The following KSR2 variants were observed in gnomAD, a reference collection of about 807,000 sequenced individuals.
KSR2 encodes the protein kinase suppressor of ras 2.
KSR2 carries 25 observed loss-of-function variants against 107.8 expected under a neutral mutation model. The observed-to-expected ratio is 0.23, with a 90% CI of 0.17 to 0.32. KSR2 has a LOEUF of 0.32. Ranked by LOEUF, KSR2 falls within the 10% of genes least tolerant of loss-of-function variation. The pLI, the probability that KSR2 is intolerant of heterozygous loss-of-function variation, is 1.00. For missense variants in KSR2, 887 were observed against 1,268.9 expected (o/e 0.70, Z 4.57); for synonymous variants, 480 against 507.0 (o/e 0.95, Z 0.71).
At chr12:117,961,750 C>T (rs1896664398) in intron 1 of KSR2, among the ~76,000 whole-genome samples, 1 of 152,140 alleles carries the variant, frequency 6.6e-6, no homozygotes, top group South Asian at 2.1e-4. Flanking sequence ...ATGAAAATAA[C>T]AAATTGTTGT....
At chr12:117,626,574 T>C (rs972875019) in intron 5 of KSR2, among the ~76,000 whole-genome samples, 23 of 152,202 alleles carry the variant, frequency 1.5e-4, no homozygotes, top group Non-Finnish European at 3.1e-4. Flanking sequence ...GAGAGACAGT[T>C]TGTTGTGATT....
chr12:117,881,864 T>C (rs1894037800), intron 1 of KSR2, among the ~76,000 whole-genome samples: 1 of 152,102 alleles, frequency 6.6e-6, no homozygotes, highest in Non-Finnish European at 1.5e-5. Flanking sequence ...TTTGCCCAAT[T>C]AATATTAATA....
chr12:117,734,314 C>G (rs918400905), intron 4 of KSR2, among the ~76,000 whole-genome samples: 1 of 150,780 alleles, frequency 6.6e-6, no homozygotes, highest in Non-Finnish European at 1.5e-5. Flanking sequence ...AGAAACTACA[C>G]GACTACACAG....
In KSR2 at chr12:117,787,150, C is replaced by T. The variant is rs141950720; in HGVS notation, c.473-25626G>A. Among the ~76,000 whole-genome samples, 226 of 152,214 alleles carry T rather than the reference C, an allele frequency of 1.5e-3. 1 individual carries two copies. In the Middle Eastern group the frequency reaches 0.017, roughly 11 times the overall value. ...TCTGCCACTGCCTGTCCACTCAGCA[C>T]AAGTTTAAAGTGTGTATTTATGTGT... On this transcript the variant is annotated intron_variant, in intron 3 of 19. Coordinates refer to ENST00000339824, the MANE Select transcript of KSR2 (RefSeq NM_173598.6).
Position 117,860,324 on chromosome 12 carries a change from G to A in KSR2, c.288C>T (p.Phe96=), listed in dbSNP as rs1477659701. The A allele has an allele frequency of 6.8e-6, 11 of 1,613,682 alleles. No individual in the cohort carries two copies. In the South Asian group the frequency reaches 1.2e-4, roughly 18 times the overall value. Residue 96 remains phenylalanine, a synonymous_variant, in exon 2 of 20, where the codon TTC becomes TTT. Coordinates refer to ENST00000339824, the MANE Select transcript of KSR2 (RefSeq NM_173598.6). ...CCTCCTTGCGCACATCGACGATTCGGAACCAGTGCCGTAGCTGGGGGAAGC... is the reference window on the plus strand; with the variant it reads ...CCTCCTTGCGCACATCGACGATTCGAAACCAGTGCCGTAGCTGGGGGAAGC... ...LDGFPQLRHW[F]RIVDVRKEVL...
At chr12:117,628,763 G>A (rs1882660131) in intron 5 of KSR2, among the ~76,000 whole-genome samples, 1 of 152,270 alleles carries the variant, frequency 6.6e-6, no homozygotes, top group Non-Finnish European at 1.5e-5. Context: ...ATTTAAGTCT[G>A]CAGGAGTTGT....
chr12:117,730,170 C>G (rs574098040), intron 4 of KSR2, among the ~76,000 whole-genome samples: 3 of 152,080 alleles, frequency 2.0e-5, no homozygotes, highest in Admixed American at 1.3e-4. Flanking sequence ...AGGTGGTGGG[C>G]AAGATTTGGG....
chr12:117,729,592 C>T (rs190125664), intron 4 of KSR2, among the ~76,000 whole-genome samples: 26 of 152,240 alleles, frequency 1.7e-4, no homozygotes, highest in African/African-American at 6.0e-4. Flanking sequence ...GTTTCTCTCA[C>T]GTTCACTCCG....
chr12:117,544,596 G>A (rs1876727284), intron 9 of KSR2, among the ~76,000 whole-genome samples: 1 of 151,550 alleles, frequency 6.6e-6, no homozygotes. Context: ...TCCAGCCTGG[G>A]TGACAGAATG....
chr12:117,941,788 G>A (rs1490495744), intron 1 of KSR2, among the ~76,000 whole-genome samples: 1 of 125,262 alleles, frequency 8.0e-6, no homozygotes, highest in Non-Finnish European at 1.6e-5. Context: ...ACCAGGCCTG[G>A]CTAATTTTTT....
chr12:117,638,718 C>T (rs937305381), intron 5 of KSR2, among the ~76,000 whole-genome samples: 2 of 151,974 alleles, frequency 1.3e-5, no homozygotes, highest in African/African-American at 2.4e-5. Context: ...AAATGCACAT[C>T]GGGGCTTCCA....
At chr12:117,690,213 C>T (rs1489116927) in intron 4 of KSR2, among the ~76,000 whole-genome samples, 4 of 152,148 alleles carry the variant, frequency 2.6e-5, no homozygotes, top group Non-Finnish European at 5.9e-5. Context: ...ATTATGTCCC[C>T]AGTCTATAGA....
At chr12:117,678,102 A>ATTTTTTTTTTTTTTTTTTTT (rs35096843) in intron 4 of KSR2, among the ~76,000 whole-genome samples, 2 of 127,544 alleles carry the variant, frequency 1.6e-5, no homozygotes, top group Non-Finnish European at 1.7e-5. Context: ...AGCCCAGCTA[A>ATTTTTTTTTTTTTTTTTTTT]TTTTTTTTTT....
At chr12:117,934,682 A>G (rs762302275) in intron 1 of KSR2, among the ~76,000 whole-genome samples, 12 of 152,210 alleles carry the variant, frequency 7.9e-5, no homozygotes, top group Non-Finnish European at 1.6e-4. Flanking sequence ...ATCAGTGAAT[A>G]TCATCACATT....
At position 117,917,137 on chromosome 12, in the gene KSR2, C is replaced by T. The variant is rs114650362; in HGVS notation, c.180+50939G>A. ...CAATGAAAAATGTCTCCAGATGTTG[C>T]CAAATGTCCCCTGGGAGGGGGCAAA... On this transcript the variant is annotated intron_variant, in intron 1 of 19. Coordinates refer to ENST00000339824, the MANE Select transcript of KSR2 (RefSeq NM_173598.6). 3.3e-3 allele frequency among the ~76,000 whole-genome samples: 509 copies of T among 152,288 alleles called. 3 individuals carry two copies. The highest frequency in any genetic ancestry group is 0.012 in the African/African-American group (493 of 41,564).
intron 14 of KSR2, among the ~76,000 whole-genome samples, chr12:117,507,121 C>A (rs933785195): frequency 2.0e-5 from 3 of 152,188 alleles, no homozygotes; most frequent in African/African-American, 7.2e-5. Flanking sequence ...TTGCATTTTT[C>A]TGTTTACAAA....
Position 117,459,961 on chromosome 12 carries a change from C to G in KSR2, c.*7238G>C, listed in dbSNP as rs1870808813. 6.6e-6 allele frequency: 1 copy of G among 152,218 alleles called. No individual in the cohort carries two copies. Among genetic ancestry groups the G allele is most frequent in the South Asian group, 2.1e-4 (1 of 4,828 alleles). The allele number at this position is 152,218 out of a possible 1,614,324, so 9.4% of individuals were successfully genotyped here. ...AGATTCAGAAACAAGCCTGGGAAAG[C>G]TTGGGAAGAACAGCCTCCTATCAGG... On this transcript the variant is annotated 3_prime_UTR_variant, in exon 20 of 20. Transcript: ENST00000339824.
At chr12:117,569,330 T>C (rs187689569) in intron 7 of KSR2, among the ~76,000 whole-genome samples, 21 of 152,284 alleles carry the variant, frequency 1.4e-4, no homozygotes, top group African/African-American at 5.1e-4. Context: ...CAAAAGTCAA[T>C]TGAGAAGTGC....
At chr12:117,471,484 G>T (rs1871455306) in intron 17 of KSR2, among the ~76,000 whole-genome samples, 164 bp from the exon 18 acceptor site, 1 of 152,112 alleles carries the variant, frequency 6.6e-6, no homozygotes, top group Admixed American at 6.5e-5. Context: ...CATACCTAAA[G>T]CTTTCTTAAT....
Sources: allele counts gnomAD v4.1 joint callset (sites outside exome capture counted in the v4.1 genomes callset), GRCh38; gene constraint gnomAD v4.1.1; transcripts MANE v1.5; gene names NCBI Gene and HGNC (gene_info 2026-07-23, HGNC 2026-07-21).